The following DSCAM variants were observed in gnomAD, a reference collection of about 807,000 sequenced individuals.
DSCAM encodes the protein DS cell adhesion molecule.
Under a neutral mutation model 217.7 loss-of-function variants are expected in DSCAM, and 47 were observed. The ratio of observed to expected loss-of-function variants is 0.22; its 90% CI spans 0.17 to 0.28. DSCAM has a LOEUF of 0.28. DSCAM is among the 10% of genes least tolerant of loss of function. DSCAM has a pLI of 1.00. For missense variants in DSCAM, 2,080 were observed against 2,618.3 expected (o/e 0.79, Z 4.49); for synonymous variants, 1,056 against 1,015.3 (o/e 1.04, Z -0.76).
chr21:40,266,812 A>C (rs546709684), intron 11 of DSCAM, among the ~76,000 whole-genome samples: 12 of 142,670 alleles, frequency 8.4e-5, no homozygotes, highest in South Asian at 2.2e-4. Flanking sequence ...ACACACACAC[A>C]CCCCCACACA....
At chr21:40,586,338 A>G (rs1376349690) in intron 3 of DSCAM, among the ~76,000 whole-genome samples, 1 of 152,214 alleles carries the variant, frequency 6.6e-6, no homozygotes, top group Non-Finnish European at 1.5e-5. Context: ...ACCCAGTCTC[A>G]CGTAATCCTT....
intron 5 of DSCAM, among the ~76,000 whole-genome samples, chr21:40,350,876 A>AGT (rs2074622386): frequency 1.2e-4 from 7 of 59,038 alleles, no homozygotes; most frequent in Non-Finnish European, 2.1e-4. Context: ...AATAAGTCAT[A>AGT]CTTTTTTTTT....
At chr21:40,350,126 G>A (rs996758574) in intron 5 of DSCAM, among the ~76,000 whole-genome samples, 4 of 151,868 alleles carry the variant, frequency 2.6e-5, no homozygotes, top group African/African-American at 7.3e-5. Flanking sequence ...CACCTTATAC[G>A]AAAATTAACT....
Position 40,498,645 on chromosome 21 carries a change from T to G in DSCAM, c.509-129400A>C, listed in dbSNP as rs1264661119. ...TATGCACTATGTATATATATATATA[T>G]AGTGTGTGTGTATATATATACCCAT... On this transcript the variant is annotated intron_variant, in intron 3 of 32. Transcript: ENST00000400454. Among the ~76,000 whole-genome samples, 126 of 111,042 alleles carry G rather than the reference T, an allele frequency of 1.1e-3. 4 individuals are homozygous for G. Among genetic ancestry groups the G allele is most frequent in the Middle Eastern group, 6.0e-3 (1 of 166 alleles). The allele number at this position is 111,042 out of a possible 152,430, so 72.8% of individuals were successfully genotyped here.
At chr21:40,818,219 G>A (rs1395665032) in intron 1 of DSCAM, among the ~76,000 whole-genome samples, 1 of 149,006 alleles carries the variant, frequency 6.7e-6, no homozygotes, top group East Asian at 2.1e-4. Flanking sequence ...GAGGCACCCC[G>A]CCCCCATGCG....
intron 20 of DSCAM, 42 bp from the exon 21 acceptor site, chr21:40,093,916 T>A: frequency 6.3e-7 from 1 of 1,589,008 alleles, no homozygotes; most frequent in East Asian, 2.3e-5. Context: ...CAAAGAAGCA[T>A]GTGGCAAAAA....
In DSCAM at chr21:40,617,613, G is replaced by T. The variant is rs540091594; in HGVS notation, c.508+75197C>A. 9.8e-5 allele frequency among the ~76,000 whole-genome samples: 15 copies of T among 152,298 alleles called. No individual in the cohort carries two copies. In the South Asian group the frequency reaches 3.1e-3, roughly 32 times the overall value. On this transcript the variant is annotated intron_variant, in intron 3 of 32. Transcript: ENST00000400454. ...ATTTGGAGTCAGACAATTGTTTTTC[G>T]TGGGAACATTCTATGCATCATAGTA...
chr21:40,130,728 T>C (rs1478193413), intron 19 of DSCAM, among the ~76,000 whole-genome samples: 1 of 152,204 alleles, frequency 6.6e-6, no homozygotes, highest in Non-Finnish European at 1.5e-5. Context: ...CAAGAATCTT[T>C]AGATAGTGGT....
chr21:40,491,979 G>C (rs2076079572), intron 3 of DSCAM, among the ~76,000 whole-genome samples: 2 of 152,076 alleles, frequency 1.3e-5, no homozygotes, highest in Non-Finnish European at 2.9e-5. Context: ...TATTAGGTTT[G>C]ATGTAGTACC....
At chr21:40,707,469 CAT>C (rs1486052464) in intron 2 of DSCAM, among the ~76,000 whole-genome samples, 1 of 152,156 alleles carries the variant, frequency 6.6e-6, no homozygotes, top group Non-Finnish European at 1.5e-5. Context: ...CAGCATGAGT[CAT>C]AGTCTAATGT....
intron 3 of DSCAM, among the ~76,000 whole-genome samples, chr21:40,542,502 G>A (rs146151251): frequency 3.9e-5 from 6 of 152,306 alleles, no homozygotes; most frequent in Middle Eastern, 3.4e-3. Context: ...TAGTGAGGTC[G>A]TGAGGGTGGG....
At chr21:40,494,102 A>G (rs1461178223) in intron 3 of DSCAM, among the ~76,000 whole-genome samples, 3 of 152,058 alleles carry the variant, frequency 2.0e-5, no homozygotes, top group Non-Finnish European at 2.9e-5. Context: ...TCACCTAATC[A>G]CAAAGGAAGA....
intron 1 of DSCAM, among the ~76,000 whole-genome samples, chr21:40,762,117 G>A (rs2091341756): frequency 6.6e-6 from 1 of 152,088 alleles, no homozygotes; most frequent in Non-Finnish European, 1.5e-5. Context: ...GATCAGAGCA[G>A]AACTGAAGGA....
intron 11 of DSCAM, among the ~76,000 whole-genome samples, chr21:40,197,171 T>C (rs951869835): frequency 1.3e-5 from 2 of 152,092 alleles, no homozygotes; most frequent in Non-Finnish European, 2.9e-5. Context: ...CAGGCTGGAG[T>C]GCAGTGTCGC....
chr21:40,741,787 A>G (rs1422281061), intron 1 of DSCAM, among the ~76,000 whole-genome samples: 1 of 152,190 alleles, frequency 6.6e-6, no homozygotes, highest in African/African-American at 2.4e-5. Context: ...TAAAATTTCC[A>G]CCAGGTGATT....
intron 3 of DSCAM, among the ~76,000 whole-genome samples, chr21:40,512,507 A>G (rs73902654): frequency 0.068 from 10,354 of 151,376 alleles, 512 homozygotes; most frequent in East Asian, 0.21. Context: ...GAGAAGTGGG[A>G]GAGGAGAGAG....
chr21:40,789,744 A>G (rs1418068552), intron 1 of DSCAM, among the ~76,000 whole-genome samples: 2 of 152,026 alleles, frequency 1.3e-5, no homozygotes, highest in Non-Finnish European at 2.9e-5. Context: ...TTTAGTAGAG[A>G]CGGGGTTTCA....
At chr21:40,649,430 G>A (rs940914970) in intron 3 of DSCAM, among the ~76,000 whole-genome samples, 13 of 152,158 alleles carry the variant, frequency 8.5e-5, no homozygotes, top group Admixed American at 1.3e-4. Context: ...TAGATAATGC[G>A]TGGTCTCAAG....
chr21:40,577,549 G>C (rs780930068), intron 3 of DSCAM, among the ~76,000 whole-genome samples: 10 of 152,018 alleles, frequency 6.6e-5, no homozygotes, highest in Non-Finnish European at 1.5e-4. Flanking sequence ...CCTCCATTAT[G>C]TTGTATCCAG....
Sources: gnomAD v4.1 joint callset for allele counts (sites outside exome capture counted in the v4.1 genomes callset) on GRCh38, gnomAD v4.1.1 for gene constraint, MANE v1.5 for transcripts, NCBI Gene and HGNC (gene_info 2026-07-23, HGNC 2026-07-21) for gene names.